DHX29: variants seen among roughly 807,000 people sequenced by gnomAD.
The protein encoded by DHX29 is DExH-box helicase 29.
Under a neutral mutation model 167.9 loss-of-function variants are expected in DHX29, and 79 were observed. That is an observed-to-expected ratio of 0.47 (90% CI 0.39 to 0.57). The LOEUF is 0.57. DHX29 is among the 20% of genes least tolerant of loss of function. The pLI is 0.00. For synonymous variants in DHX29, 530 were observed against 546.0 expected (o/e 0.97, Z 0.41); for missense variants, 1,347 against 1,593.4 (o/e 0.85, Z 2.63).
Position 55,295,544 on chromosome 5 carries a change from T to C in DHX29, c.506-20A>G. ...GTGCATCTTAAAATAAAAGAAACTA[T>C]GCTGAAAATAAACAGGCATATGATA... On this transcript the variant is annotated intron_variant, in intron 4 of 26. Transcript: ENST00000251636. 2 of 1,606,264 alleles carry C rather than the reference T, an allele frequency of 1.2e-6. No individual in the cohort carries two copies. The highest frequency in any genetic ancestry group is 1.7e-6 in the Non-Finnish European group (2 of 1,177,770).
intron 1 of DHX29, among the ~76,000 whole-genome samples, chr5:55,303,252 C>T (rs1421100358): frequency 6.6e-6 from 1 of 152,168 alleles, no homozygotes; most frequent in Non-Finnish European, 1.5e-5. Context: ...GAGTTGTTAG[C>T]ACTCTGATTC....
rs111580461 is a variant in DHX29, at chr5:55,276,477, G to A, written c.2287-71C>T. ...AGTAAATATCATTTTAAAGAGAACA[G>A]GGGACACCACCTTTTGAATGTCACC... On this transcript the variant is annotated intron_variant, in intron 13 of 26. Coordinates refer to ENST00000251636, the MANE Select transcript of DHX29 (RefSeq NM_019030.4). The A allele has an allele frequency of 1.3e-5, 15 of 1,196,918 alleles. No homozygotes were observed. In the South Asian group the frequency reaches 1.6e-4, roughly 13 times the overall value. The allele number at this position is 1,196,918 out of a possible 1,614,324, so 74.1% of individuals were successfully genotyped here. A position where few individuals can be genotyped will look rare whatever the true frequency, so the allele number is the denominator to read the frequency against.
chr5:55,278,909 C>T (rs1442073834), intron 12 of DHX29, among the ~76,000 whole-genome samples: 2 of 152,146 alleles, frequency 1.3e-5, no homozygotes, highest in East Asian at 1.9e-4. Context: ...CAATAAACTG[C>T]CCTGTAAGGC....
chr5:55,292,938 C>T (rs1748124173), intron 6 of DHX29, among the ~76,000 whole-genome samples: 2 of 152,100 alleles, frequency 1.3e-5, no homozygotes, highest in Non-Finnish European at 2.9e-5. Context: ...AAATATTTTA[C>T]TTATATTAGT....
At chr5:55,300,374 C>CTAA (rs942033812) in intron 1 of DHX29, among the ~76,000 whole-genome samples, 1 of 149,362 alleles carries the variant, frequency 6.7e-6, no homozygotes, top group African/African-American at 2.5e-5. Flanking sequence ...GACCCTGTCT[C>CTAA]TAATAATAAT....
In DHX29 at chr5:55,283,866, AATAGATTAGCACTTAAAAGG is replaced by A. The variant is rs1176404041; in HGVS notation, c.1357-75_1357-56del. The A allele has an allele frequency of 2.1e-6, 3 of 1,436,658 alleles. No homozygotes were observed. The African/African-American group carries it at 4.3e-5, about 20-fold the overall frequency. The allele number at this position is 1,436,658 out of a possible 1,614,324, so 89.0% of individuals were successfully genotyped here. A position where few individuals can be genotyped will look rare whatever the true frequency, so the allele number is the denominator to read the frequency against. On this transcript the variant is annotated intron_variant, in intron 10 of 26. Transcript: ENST00000251636. ...CACTAACTATTCAATATGGAAATTC[AATAGATTAGCACTTAAAAGG>A]ATAGCTATATTCATCTTAAAATATA...
In DHX29 at chr5:55,307,458, T is replaced by C. The variant is rs770860092; in HGVS notation, c.116A>G (p.Lys39Arg). 6.2e-7 allele frequency: 1 copy of C among 1,613,388 alleles called. No individual in the cohort carries two copies. The highest frequency in any genetic ancestry group is 8.5e-7 in the Non-Finnish European group (1 of 1,179,966). The change falls in exon 1 of 27, where the codon AAG becomes AGG. Residue 39 changes from lysine (K) to arginine (R), a missense_variant. By Grantham distance (26) the Lys-to-Arg change is conservative. This residue lies in a region of DHX29 where 405 missense variants were observed against 416.8 expected (regional missense o/e 0.97). Coordinates refer to ENST00000251636, the MANE Select transcript of DHX29 (RefSeq NM_019030.4). ...EAGIAGEAQS[K>R]KPVSRPATAA... ...GGTGGCCGGCCTGGACACTGGCTTC[T>C]TGCTTTGGGCCTCCCCGGCAATTCC... is the stretch of plus-strand genomic sequence containing the variant.
intron 23 of DHX29, among the ~76,000 whole-genome samples, chr5:55,266,435 G>A (rs1376082158): frequency 2.0e-5 from 3 of 149,640 alleles, no homozygotes; most frequent in Admixed American, 6.7e-5. Context: ...TCAGCCTCCC[G>A]AGTAGCTGGG....
At chr5:55,301,565 T>C (rs1561172191) in intron 1 of DHX29, among the ~76,000 whole-genome samples, 4 of 151,122 alleles carry the variant, frequency 2.6e-5, no homozygotes. Flanking sequence ...AATACAAAAT[T>C]AGCCAGGCGT....
chr5:55,307,556 C>T lies in DHX29; in HGVS notation c.18G>A (p.Lys6=), dbSNP rs1228611680. Residue 6 remains lysine (K), a synonymous_variant, in exon 1 of 27, where the codon AAG becomes AAA. Coordinates refer to ENST00000251636, the MANE Select transcript of DHX29 (RefSeq NM_019030.4). MGGKN[K]KHKAPAAAVV... The stretch of plus-strand genomic sequence containing the variant: ...CCGCGGCCGCTGGAGCCTTGTGTTT[C>T]TTGTTCTTGCCGCCCATGTTGCAGC... 6.2e-7 allele frequency: 1 copy of T among 1,613,700 alleles called. No individual in the cohort carries two copies. The highest frequency in any genetic ancestry group is 8.5e-7 in the Non-Finnish European group (1 of 1,179,964).
At chr5:55,301,713 C>CAAAAAAA (rs70992777) in intron 1 of DHX29, among the ~76,000 whole-genome samples, 32 of 64,698 alleles carry the variant, frequency 4.9e-4, no homozygotes, top group South Asian at 5.9e-4. Flanking sequence ...AACTCCATCT[C>CAAAAAAA]AAAAAAAAAA....
chr5:55,286,365 C>A (rs1271141996), intron 8 of DHX29, among the ~76,000 whole-genome samples: 1 of 152,002 alleles, frequency 6.6e-6, no homozygotes, highest in African/African-American at 2.4e-5. Context: ...AATTCTCAAT[C>A]TTTAAAAATA....
intron 10 of DHX29, 68 bp downstream of exon 10, chr5:55,285,225 G>A (rs1277162740): frequency 2.0e-5 from 32 of 1,569,624 alleles, no homozygotes; most frequent in Non-Finnish European, 2.8e-5. Context: ...AGTCAATAAA[G>A]AGAAAATTGA....
At chr5:55,259,069 C>T (rs544371234) in intron 26 of DHX29, among the ~76,000 whole-genome samples, 4 of 152,218 alleles carry the variant, frequency 2.6e-5, no homozygotes, top group Non-Finnish European at 5.9e-5. Context: ...TGGACTTTAA[C>T]TCCTGGGCTC....
At chr5:55,305,879 G>A (rs547925676) in intron 1 of DHX29, among the ~76,000 whole-genome samples, 2 of 152,242 alleles carry the variant, frequency 1.3e-5, no homozygotes, top group South Asian at 4.1e-4. Context: ...GGAAAAGATA[G>A]AAGTAATGGA....
Position 55,298,602 on chromosome 5 carries a change from A to T in DHX29, c.250T>A (p.Ser84Thr). 6.5e-7 allele frequency: 1 copy of T among 1,543,918 alleles called. No individual in the cohort carries two copies. Among genetic ancestry groups the T allele is most frequent in the Non-Finnish European group, 8.9e-7 (1 of 1,118,670 alleles). Residue 84 changes from serine to threonine, a missense_variant, in exon 2 of 27, where the codon TCT becomes ACT. Ser to Thr is a moderately conservative substitution (Grantham distance 58). Coordinates refer to ENST00000251636, the MANE Select transcript of DHX29 (RefSeq NM_019030.4). ...DSSGPANLDK[S>T]ILKVVINNKL... ...CCTTTGTTACTTACTTTCAAAATAG[A>T]TTTATCCAGATTTGCAGGACCACTA...
Position 55,266,548 on chromosome 5 carries a change from A to ATTTTT in DHX29, c.3525+585_3525+589dup, listed in dbSNP as rs563215075. 1.8e-3 allele frequency among the ~76,000 whole-genome samples: 245 copies of ATTTTT among 138,110 alleles called. 1 individual carries two copies. The Middle Eastern group carries it at 0.019, about 10-fold the overall frequency. 90.6% of individuals were successfully genotyped at this position (138,110 alleles called of 152,430 possible). A position where few individuals can be genotyped will look rare whatever the true frequency, so the allele number is the denominator to read the frequency against. ...GGTCTCAAACTCCCAACCTCAGGTG[A>ATTTTT]TTTTTTTTTTTTTTTAATGAAAAAC... On this transcript the variant is annotated intron_variant, in intron 23 of 26. Coordinates refer to ENST00000251636, the MANE Select transcript of DHX29 (RefSeq NM_019030.4).
intron 10 of DHX29, among the ~76,000 whole-genome samples, chr5:55,284,890 T>C (rs1204790942): frequency 6.6e-6 from 1 of 152,174 alleles, no homozygotes; most frequent in African/African-American, 2.4e-5. Context: ...AAAAATTAGC[T>C]GGATGTGGTG....
intron 8 of DHX29, among the ~76,000 whole-genome samples, chr5:55,288,663 ATAAT>A (rs532080557): frequency 8.3e-4 from 126 of 152,298 alleles, no homozygotes; most frequent in Non-Finnish European, 1.4e-3. Flanking sequence ...TTTTAAAAAA[ATAAT>A]TAACTTGGGA....
Sources: gnomAD v4.1 joint callset for allele counts (sites outside exome capture counted in the v4.1 genomes callset) on GRCh38, gnomAD v4.1.1 for gene constraint, gnomAD v4.1.1 regional missense constraint, MANE v1.5 for transcripts, NCBI Gene and HGNC (gene_info 2026-07-23, HGNC 2026-07-21) for gene names.